The following RAD51B variants were observed in gnomAD, a reference collection of about 807,000 sequenced individuals.
The protein encoded by RAD51B is RAD51 paralog B, also known as DNA repair protein RAD51 homolog 2.
A neutral mutation model predicts 42.2 loss-of-function variants in RAD51B; 38 were observed. The ratio of observed to expected loss-of-function variants is 0.90; its 90% CI spans 0.70 to 1.18. The LOEUF is 1.18. Ranked by LOEUF, RAD51B falls within the 50% of genes most tolerant of loss-of-function variation. The pLI, the probability that RAD51B is intolerant of heterozygous loss-of-function variation, is 0.00. For missense variants in RAD51B, 373 were observed against 400.7 expected, an observed-to-expected ratio of 0.93 and a Z score of 0.59; for synonymous variants, 154 against 145.2, an observed-to-expected ratio of 1.06 and a Z score of -0.43.
downstream of RAD51B, among the ~76,000 whole-genome samples, chr14:68,599,193 G>A (rs1891122758): frequency 6.6e-6 from 1 of 152,198 alleles, no homozygotes; most frequent in Non-Finnish European, 1.5e-5. Flanking sequence ...GTGGTAGTGT[G>A]GGCATATCTC....
At chr14:68,358,816 AATT>A (rs2082960407) in intron 8 of RAD51B, among the ~76,000 whole-genome samples, 1 of 152,224 alleles carries the variant, frequency 6.6e-6, no homozygotes, top group Non-Finnish European at 1.5e-5. Context: ...ATGGTAAAGA[AATT>A]ATTAAAAATT....
At chr14:68,415,031 CA>C (rs71129885) in intron 9 of RAD51B, among the ~76,000 whole-genome samples, 2,893 of 32,216 alleles carry the variant, frequency 0.09, 8 homozygotes, top group African/African-American at 0.13. Context: ...GACTCTGTCT[CA>C]AAAAAAAAAA....
intron 8 of RAD51B, among the ~76,000 whole-genome samples, chr14:68,354,055 A>G (rs2082844322): frequency 6.6e-6 from 1 of 152,194 alleles, no homozygotes; most frequent in African/African-American, 2.4e-5. Context: ...GACGATAGCA[A>G]TGTTTTCTCG....
At chr14:67,977,987 C>T (rs2075025904) in intron 7 of RAD51B, among the ~76,000 whole-genome samples, 1 of 151,988 alleles carries the variant, frequency 6.6e-6, no homozygotes, top group African/African-American at 2.4e-5. Context: ...CTTTTTGTTC[C>T]TCTTCCTTAT....
At chr14:68,510,802 G>C (rs2140312922) in intron 10 of RAD51B, among the ~76,000 whole-genome samples, 1 of 152,246 alleles carries the variant, frequency 6.6e-6, no homozygotes, top group South Asian at 2.1e-4. Flanking sequence ...AAAAATGTTT[G>C]CCTCTTCCTA....
At chr14:68,097,642 A>C (rs2077218132) in intron 7 of RAD51B, among the ~76,000 whole-genome samples, 1 of 152,214 alleles carries the variant, frequency 6.6e-6, no homozygotes, top group African/African-American at 2.4e-5. Context: ...TCTTCATTGA[A>C]GAGATGAAGA....
chr14:68,263,392 A>G (rs568527730), intron 7 of RAD51B, among the ~76,000 whole-genome samples: 4 of 152,334 alleles, frequency 2.6e-5, no homozygotes, highest in African/African-American at 9.6e-5. Context: ...AAATCACCAC[A>G]TATAAGGGAT....
rs1379629205 is a variant in RAD51B, at chr14:68,046,505, G to A, written c.756+159301G>A. The stretch of plus-strand genomic sequence containing the variant: ...TGCAATCCCAGCACTTTGGGAGGCC[G>A]AGGCTGGTGGATTGCTTGAACCCAG... On this transcript the variant is annotated intron_variant, in intron 7 of 10. Transcript: ENST00000471583. Among the ~76,000 whole-genome samples the A allele has an allele frequency of 2.6e-5, 4 of 152,222 alleles. No homozygotes were observed. The South Asian group carries it at 8.3e-4, about 31-fold the overall frequency.
intron 7 of RAD51B, among the ~76,000 whole-genome samples, chr14:68,101,827 G>C (rs1322521058): frequency 6.6e-6 from 1 of 152,248 alleles, no homozygotes; most frequent in Non-Finnish European, 1.5e-5. Flanking sequence ...GGGACTCTCT[G>C]AGGGGGCTCC....
At chr14:68,201,338 A>G (rs913095447) in intron 7 of RAD51B, among the ~76,000 whole-genome samples, 5 of 152,366 alleles carry the variant, frequency 3.3e-5, no homozygotes, top group African/African-American at 1.2e-4. Flanking sequence ...TGAAAAGAAC[A>G]GTTTTGAATC....
At chr14:68,337,644 A>G (rs1001505373) in intron 8 of RAD51B, among the ~76,000 whole-genome samples, 2 of 152,150 alleles carry the variant, frequency 1.3e-5, no homozygotes, top group African/African-American at 4.8e-5. Flanking sequence ...TATATCCCAG[A>G]CCAGCTGAAT....
At chr14:68,387,889 G>A (rs1006137630) in intron 8 of RAD51B, among the ~76,000 whole-genome samples, 4 of 152,022 alleles carry the variant, frequency 2.6e-5, no homozygotes, top group African/African-American at 9.7e-5. Context: ...AGGACAGTAT[G>A]AGGGAAAAAA....
At chr14:68,062,837 A>G (rs539166998) in intron 7 of RAD51B, among the ~76,000 whole-genome samples, 114 of 151,580 alleles carry the variant, frequency 7.5e-4, no homozygotes, top group African/African-American at 2.6e-3. Context: ...AAAAAGAAAA[A>G]AAAAAAAGAA....
intron 7 of RAD51B, among the ~76,000 whole-genome samples, chr14:68,034,621 A>G (rs879265084): frequency 6.6e-6 from 1 of 152,220 alleles, no homozygotes; most frequent in Admixed American, 6.5e-5. Context: ...GTTTATTTAT[A>G]TAACCCCATT....
chr14:67,833,098 A>G (rs1260483278), intron 3 of RAD51B, among the ~76,000 whole-genome samples: 1 of 152,152 alleles, frequency 6.6e-6, no homozygotes, highest in South Asian at 2.1e-4. Context: ...ATTTCGGGCC[A>G]GGTGCAGTGG....
At chr14:68,188,419 C>T (rs1295172510) in intron 7 of RAD51B, among the ~76,000 whole-genome samples, 1 of 146,982 alleles carries the variant, frequency 6.8e-6, no homozygotes, top group Non-Finnish European at 1.5e-5. Flanking sequence ...TCCCATCTTT[C>T]TTCTTTCTCC....
rs534069711 is a variant in RAD51B, at chr14:68,155,292, C to T, written c.757-136592C>T. On this transcript the variant is annotated intron_variant, in intron 7 of 10. Coordinates refer to ENST00000471583, the MANE Select transcript of RAD51B (RefSeq NM_133510.4). ...CTGCAAGCTCCGCCTCCCGGGTTCA[C>T]GCCATTCTCCTGCCTCAGCCTCCCA... Among the ~76,000 whole-genome samples the T allele has an allele frequency of 9.9e-5, 15 of 151,530 alleles. No homozygotes were observed. In the East Asian group the frequency reaches 1.7e-3, roughly 18 times the overall value.
At chr14:68,008,353 G>A (rs1249539929) in intron 7 of RAD51B, among the ~76,000 whole-genome samples, 3 of 151,782 alleles carry the variant, frequency 2.0e-5, no homozygotes, top group African/African-American at 7.3e-5. Flanking sequence ...AAGATACAAA[G>A]CTGTGTAAAA....
At chr14:68,236,347 A>G (rs1472307308) in intron 7 of RAD51B, 1 of 152,156 alleles carries the variant, frequency 6.6e-6, no homozygotes, top group Non-Finnish European at 1.5e-5. Flanking sequence ...CTGTTTCCAA[A>G]CTGGGCAAGT....
Sources: gnomAD v4.1 joint callset for allele counts (sites outside exome capture counted in the v4.1 genomes callset) on GRCh38, gnomAD v4.1.1 for gene constraint, MANE v1.5 for transcripts, NCBI Gene and HGNC (gene_info 2026-07-23, HGNC 2026-07-21) for gene names.